PDE4D: variants seen among roughly 807,000 people sequenced by gnomAD.
PDE4D encodes phosphodiesterase 4D.
Under a neutral mutation model 87.4 loss-of-function variants are expected in PDE4D, and 24 were observed. The ratio of observed to expected loss-of-function variants is 0.27; its 90% CI spans 0.20 to 0.39. The LOEUF is 0.39. Among genes scored for constraint, PDE4D ranks in the 10% least tolerant of loss-of-function variants. PDE4D has a pLI of 1.00. For missense variants in PDE4D, 714 were observed against 1,041.0 expected (o/e 0.69, Z 4.32); for synonymous variants, 384 against 383.2 (o/e 1.00, Z -0.02).
intron 6 of PDE4D, among the ~76,000 whole-genome samples, chr5:58,996,701 G>A (rs980844838): frequency 2.6e-5 from 4 of 152,140 alleles, no homozygotes; most frequent in African/African-American, 4.8e-5. Context: ...AAGAGAACAT[G>A]TGGATGCTAC....
chr5:59,520,958 A>G (rs1392725080), intron 1 of PDE4D, among the ~76,000 whole-genome samples: 1 of 152,140 alleles, frequency 6.6e-6, no homozygotes, highest in Non-Finnish European at 1.5e-5. Flanking sequence ...AATGTATATG[A>G]AATTCCTCAA....
At chr5:60,435,162 A>G (rs1266490544) in intron 1 of PDE4D, among the ~76,000 whole-genome samples, 3 of 152,104 alleles carry the variant, frequency 2.0e-5, no homozygotes, top group Non-Finnish European at 2.9e-5. Context: ...ATCTAAGAAT[A>G]TTCAGTACAG....
chr5:59,677,478 G>A (rs1561457997), intron 1 of PDE4D, among the ~76,000 whole-genome samples: 1 of 152,204 alleles, frequency 6.6e-6, no homozygotes, highest in African/African-American at 2.4e-5. Flanking sequence ...GAGCAATGGA[G>A]ATACACAGAA....
intron 1 of PDE4D, among the ~76,000 whole-genome samples, chr5:59,850,966 G>A (rs185844270): frequency 2.6e-5 from 4 of 152,100 alleles, no homozygotes; most frequent in Admixed American, 2.6e-4. Flanking sequence ...GCTATTCATG[G>A]TGCCTCCTAT....
chr5:59,401,777 C>T (rs571289855), intron 1 of PDE4D, among the ~76,000 whole-genome samples: 1 of 152,170 alleles, frequency 6.6e-6, no homozygotes, highest in African/African-American at 2.4e-5. Flanking sequence ...TGCCGCTCAG[C>T]AAGGGAACTG....
chr5:60,314,329 A>G (rs561232780), intron 1 of PDE4D, among the ~76,000 whole-genome samples: 3 of 151,752 alleles, frequency 2.0e-5, no homozygotes, highest in South Asian at 4.2e-4. Flanking sequence ...GCCATGCCCA[A>G]CTGATTTTTT....
intron 1 of PDE4D, among the ~76,000 whole-genome samples, chr5:59,868,960 CT>C (rs1445932198): frequency 1.3e-5 from 2 of 152,144 alleles, no homozygotes; most frequent in Admixed American, 6.6e-5. Context: ...AAGAAAGCAT[CT>C]TTTGTAAGGG....
At chr5:59,625,851 C>G (rs540971434) in intron 1 of PDE4D, among the ~76,000 whole-genome samples, 2 of 152,120 alleles carry the variant, frequency 1.3e-5, no homozygotes, top group Non-Finnish European at 2.9e-5. Flanking sequence ...GAGGCTGAGG[C>G]GGGCGGATCA....
intron 1 of PDE4D, among the ~76,000 whole-genome samples, chr5:60,190,623 C>G (rs2149520053): frequency 6.6e-6 from 1 of 152,290 alleles, no homozygotes; most frequent in African/African-American, 2.4e-5. Context: ...TGCCTAAGGT[C>G]ATAGAACTGC....
chr5:59,235,853 T>C (rs1220124606), intron 1 of PDE4D, among the ~76,000 whole-genome samples: 1 of 152,194 alleles, frequency 6.6e-6, no homozygotes, highest in East Asian at 1.9e-4. Flanking sequence ...TTATAGTGTA[T>C]GGTAAATGTT....
At chr5:60,336,290 T>C (rs1266074156) in intron 1 of PDE4D, among the ~76,000 whole-genome samples, 1 of 152,228 alleles carries the variant, frequency 6.6e-6, no homozygotes, top group Non-Finnish European at 1.5e-5. Flanking sequence ...TCCAATAATA[T>C]ATAGATAAAC....
intron 1 of PDE4D, among the ~76,000 whole-genome samples, chr5:60,505,294 T>C (rs550039339): frequency 1.3e-5 from 2 of 152,338 alleles, no homozygotes; most frequent in East Asian, 3.9e-4. Context: ...CTTGTACAAT[T>C]TGCATGTTTG....
At chr5:59,310,024 ACTC>A (rs1385475892) in intron 1 of PDE4D, among the ~76,000 whole-genome samples, 2 of 151,756 alleles carry the variant, frequency 1.3e-5, no homozygotes, top group Non-Finnish European at 2.9e-5. Flanking sequence ...CTCTTTGGTC[ACTC>A]TTCCCTCTAG....
intron 5 of PDE4D, among the ~76,000 whole-genome samples, chr5:59,169,535 G>A (rs1453610839): frequency 6.6e-6 from 1 of 152,130 alleles, no homozygotes; most frequent in Non-Finnish European, 1.5e-5. Context: ...TGACGCTGAT[G>A]CCCAGGATGA....
intron 5 of PDE4D, among the ~76,000 whole-genome samples, chr5:59,098,525 T>A (rs1770153065): frequency 7.1e-6 from 1 of 140,216 alleles, no homozygotes; most frequent in Non-Finnish European, 1.5e-5. Context: ...TAGTGAGACC[T>A]CATCTCTACA....
At chr5:59,210,610 C>T (rs572091952) in intron 2 of PDE4D, among the ~76,000 whole-genome samples, 1 of 152,322 alleles carries the variant, frequency 6.6e-6, no homozygotes, top group Non-Finnish European at 1.5e-5. Flanking sequence ...AGCTAGATTC[C>T]CAAATATGCC....
At chr5:59,498,148 TA>T (rs1208799133) in intron 1 of PDE4D, among the ~76,000 whole-genome samples, 3 of 151,616 alleles carry the variant, frequency 2.0e-5, no homozygotes, top group Non-Finnish European at 4.4e-5. Flanking sequence ...ACCACCACAC[TA>T]GACCTACAAG....
chr5:60,480,586 T>C (rs1013693088), intron 1 of PDE4D, among the ~76,000 whole-genome samples: 3 of 150,580 alleles, frequency 2.0e-5, no homozygotes, highest in African/African-American at 2.4e-5. Context: ...GAGTTATGGG[T>C]TGATGCAAAA....
chr5:60,312,067 A>C (rs1421108499), intron 1 of PDE4D, among the ~76,000 whole-genome samples: 1 of 152,190 alleles, frequency 6.6e-6, no homozygotes, highest in Non-Finnish European at 1.5e-5. Context: ...AGACCTACAA[A>C]GAGATTTAGA....
Sources: gnomAD v4.1 joint callset for allele counts (sites outside exome capture counted in the v4.1 genomes callset) on GRCh38, gnomAD v4.1.1 for gene constraint, MANE v1.5 for transcripts, NCBI Gene and HGNC (gene_info 2026-07-23, HGNC 2026-07-21) for gene names.